Variants in NRG1 observed in about 807,000 individuals in gnomAD.
NRG1 encodes pro-neuregulin-1, membrane-bound isoform.
Under a neutral mutation model 63.8 loss-of-function variants are expected in NRG1, and 18 were observed. The observed-to-expected ratio is 0.28, with a 90% CI of 0.19 to 0.42. The LOEUF is 0.42. NRG1 is among the 10% of genes least tolerant of loss of function. The probability of loss-of-function intolerance (pLI) is 1.00; values close to 1 mark genes in which losing one functional copy is unlikely to be tolerated. For missense variants in NRG1, 762 were observed against 814.7 expected, an observed-to-expected ratio of 0.94 and a Z score of 0.79; for synonymous variants, 302 against 301.3, an observed-to-expected ratio of 1.00 and a Z score of -0.02.
rs1035693977 is a variant in NRG1 at position 31,945,221 on chromosome 8, C to A, written c.37+305790C>A. 9.2e-5 allele frequency among the ~76,000 whole-genome samples: 14 copies of A among 152,246 alleles called. 1 individual carries two copies. The highest frequency in any genetic ancestry group is 3.4e-3 in the Middle Eastern group (1 of 292). On this transcript the variant is annotated intron_variant, in intron 1 of 10. Coordinates refer to the NRG1 transcript ENST00000519301. The stretch of plus-strand genomic sequence containing the variant: ...CCTAGTTGATATGTTTGGATATTTT[C>A]CATACTATGCAGGCTGAATTCTCTT...
At chr8:31,742,293 G>A (rs1815356551) in intron 1 of NRG1, among the ~76,000 whole-genome samples, 1 of 151,778 alleles carries the variant, frequency 6.6e-6, no homozygotes, top group African/African-American at 2.4e-5. Flanking sequence ...ATCTACAAAT[G>A]TGTTGTTCCA....
Position 32,759,292 on chromosome 8 carries a change from CTTTG to C in NRG1, c.922-10_922-7del. ...CTACGTGAATCTTCAAGTTGTGTCT[CTTTG>C]TTTATCCAGCAATACGTATCTAAAA... On this transcript the variant is annotated splice_polypyrimidine_tract_variant and intron_variant, in intron 9 of 11. Transcript: ENST00000356819. The C allele has an allele frequency of 6.2e-7, 1 of 1,611,026 alleles. No individual in the cohort carries two copies. Among genetic ancestry groups the C allele is most frequent in the Non-Finnish European group, 8.5e-7 (1 of 1,178,446 alleles).
intron 1 of NRG1, among the ~76,000 whole-genome samples, chr8:31,960,226 T>C (rs1337346068): frequency 1.3e-5 from 2 of 152,168 alleles, no homozygotes; most frequent in Non-Finnish European, 2.9e-5. Context: ...TTAAGTCTCA[T>C]TGTCTACTTT....
intron 1 of NRG1, among the ~76,000 whole-genome samples, chr8:32,295,090 C>A (rs988619211): frequency 3.9e-5 from 6 of 152,026 alleles, no homozygotes; most frequent in Non-Finnish European, 5.9e-5. Flanking sequence ...AGTACTTTGA[C>A]CTTGGTTGTG....
intron 1 of NRG1, among the ~76,000 whole-genome samples, chr8:32,459,943 G>C (rs766637066): frequency 6.6e-6 from 1 of 152,174 alleles, no homozygotes; most frequent in Non-Finnish European, 1.5e-5. Flanking sequence ...CTCACCTCAG[G>C]CTGGTGTTGG....
chr8:32,402,689 A>G (rs964733091), intron 1 of NRG1, among the ~76,000 whole-genome samples: 2 of 152,166 alleles, frequency 1.3e-5, no homozygotes, highest in Non-Finnish European at 2.9e-5. Context: ...GCAATGCTGG[A>G]GATTTGGAGC....
chr8:31,722,276 CTCTA>C (rs1286128180), intron 1 of NRG1, among the ~76,000 whole-genome samples: 2 of 152,074 alleles, frequency 1.3e-5, no homozygotes, highest in East Asian at 3.9e-4. Flanking sequence ...TCCCAGGTCT[CTCTA>C]TCCTCTTCCT....
chr8:31,919,733 G>A (rs968449205), intron 1 of NRG1, among the ~76,000 whole-genome samples: 12 of 152,046 alleles, frequency 7.9e-5, no homozygotes, highest in African/African-American at 2.7e-4. Flanking sequence ...TCAAGAATTA[G>A]GAAGGTGAAT....
chr8:31,718,144 C>T (rs2131292736), intron 1 of NRG1, among the ~76,000 whole-genome samples: 1 of 152,092 alleles, frequency 6.6e-6, no homozygotes, highest in African/African-American at 2.4e-5. Flanking sequence ...ACCCAGAAAA[C>T]TAAAGTGGTC....
At position 31,942,359 on chromosome 8, in the gene NRG1, C is replaced by T. The variant is rs371375707; in HGVS notation, c.37+302928C>T. ...ATGTAGAGGAATGAAACTGGATCTT[C>T]ATCTCTTATCCTATGCAAAAATCAA... On this transcript the variant is annotated intron_variant, in intron 1 of 10. Transcript: ENST00000519301. 3.3e-5 allele frequency among the ~76,000 whole-genome samples: 5 copies of T among 152,188 alleles called. No homozygotes were observed. In the East Asian group the frequency reaches 9.6e-4, roughly 29 times the overall value.
intron 1 of NRG1, among the ~76,000 whole-genome samples, chr8:31,643,240 T>TG (rs1489547283): frequency 6.6e-6 from 1 of 152,142 alleles, no homozygotes; most frequent in Non-Finnish European, 1.5e-5. Flanking sequence ...GAAGCTGCCC[T>TG]GGGGGCGTGA....
intron 1 of NRG1, among the ~76,000 whole-genome samples, chr8:32,252,150 G>C (rs1016579920): frequency 1.3e-5 from 2 of 152,080 alleles, no homozygotes; most frequent in Admixed American, 6.6e-5. Context: ...TAGGTTGCCT[G>C]TTCACTCTGA....
chr8:32,051,051 C>T (rs535307369), intron 1 of NRG1, among the ~76,000 whole-genome samples: 4 of 152,100 alleles, frequency 2.6e-5, no homozygotes, highest in African/African-American at 9.6e-5. Flanking sequence ...ATATGGAATC[C>T]TTCCATGTTC....
intron 1 of NRG1, among the ~76,000 whole-genome samples, chr8:32,219,911 C>G (rs1475174417): frequency 6.6e-6 from 1 of 152,184 alleles, no homozygotes; most frequent in East Asian, 1.9e-4. Context: ...AGCTTTGCCA[C>G]TTTGGTGTCC....
chr8:32,190,642 A>G (rs1047377033), intron 1 of NRG1, among the ~76,000 whole-genome samples: 1 of 152,204 alleles, frequency 6.6e-6, no homozygotes, highest in African/African-American at 2.4e-5. Context: ...GAGTACAGTC[A>G]TTTATTATTC....
intron 1 of NRG1, among the ~76,000 whole-genome samples, chr8:32,472,781 C>A (rs7015838): frequency 6.6e-6 from 1 of 151,968 alleles, no homozygotes; most frequent in Non-Finnish European, 1.5e-5. Context: ...CGTTGTCGTG[C>A]GGGTTCCCCA....
chr8:32,715,459 A>G lies in NRG1; in HGVS notation c.503-12490A>G, dbSNP rs374393315. ...GAAATGATGGGAGCCTCCAGACAGA[A>G]AAGGTCTCCCACTGGTGACTGATTT... On this transcript the variant is annotated intron_variant, in intron 5 of 11. Transcript: ENST00000356819. Among the ~76,000 whole-genome samples the G allele has an allele frequency of 2.1e-3, 314 of 152,228 alleles. 2 individuals carry two copies. Among genetic ancestry groups the G allele is most frequent in the African/African-American group, 7.2e-3 (298 of 41,546 alleles).
intron 1 of NRG1, among the ~76,000 whole-genome samples, chr8:31,780,946 T>C (rs1819626942): frequency 1.3e-5 from 2 of 152,200 alleles, no homozygotes; most frequent in South Asian, 2.1e-4. Flanking sequence ...CTACCGACAA[T>C]TGAGTGGGAA....
At chr8:32,148,293 A>ACC (rs1837123620) in intron 1 of NRG1, among the ~76,000 whole-genome samples, 2 of 152,186 alleles carry the variant, frequency 1.3e-5, no homozygotes, top group African/African-American at 4.8e-5. Flanking sequence ...AGGCCCTAGG[A>ACC]CCCAAGCCCT....
Sources: gnomAD v4.1 joint callset for allele counts (sites outside exome capture counted in the v4.1 genomes callset) on GRCh38, gnomAD v4.1.1 for gene constraint, MANE v1.5 for transcripts, NCBI Gene and HGNC (gene_info 2026-07-23, HGNC 2026-07-21) for gene names.